Variants in PRMT7 observed in about 807,000 individuals in gnomAD.
The protein encoded by PRMT7 is protein arginine N-methyltransferase 7.
PRMT7 carries 75 observed loss-of-function variants against 85.4 expected under a neutral mutation model. The ratio of observed to expected loss-of-function variants is 0.88; its 90% CI spans 0.73 to 1.06. The LOEUF (loss-of-function observed/expected upper bound fraction) is 1.06, where lower values mean the gene tolerates loss of function less well. Among genes scored for constraint, PRMT7 ranks in the 50% least tolerant of loss-of-function variants. The pLI is 0.00. For synonymous variants in PRMT7, 397 were observed against 359.5 expected (o/e 1.10, Z -1.18); for missense variants, 868 against 915.2 (o/e 0.95, Z 0.67).
At chr16:68,360,407 G>A (rs2089186031), downstream of PRMT7, 1 of 152,180 alleles carries the variant, frequency 6.6e-6, no homozygotes, top group South Asian at 2.1e-4. Context: ...CTGCCCAGAT[G>A]GGAGGCTCCC....
At chr16:68,352,480 A>G in intron 15 of PRMT7, 71 bp downstream of exon 15, 1 of 1,488,698 alleles carries the variant, frequency 6.7e-7, no homozygotes, top group Non-Finnish European at 9.0e-7. Context: ...TCTTGCAGGA[A>G]CCTTGGGTGC....
rs554761139 is a variant in PRMT7 at position 68,321,147 on chromosome 16, T to C, written c.96-279T>C. On this transcript the variant is annotated intron_variant, in intron 3 of 18. Transcript: ENST00000441236. ...AGCCAGGCGTGGTGGTGAGCACCTG[T>C]AATCCCAGCTACCTGGGAGGCTGAG... Among the ~76,000 whole-genome samples the C allele has an allele frequency of 3.3e-5, 5 of 152,064 alleles. No individual in the cohort carries two copies. In the East Asian group the frequency reaches 5.8e-4, roughly 18 times the overall value.
intron 9 of PRMT7, among the ~76,000 whole-genome samples, chr16:68,342,243 A>C (rs1199858703): frequency 6.6e-6 from 1 of 152,192 alleles, no homozygotes; most frequent in Non-Finnish European, 1.5e-5. Flanking sequence ...ACACCACTGC[A>C]CTCAAACCTG....
chr16:68,319,533 C>T lies in PRMT7; in HGVS notation c.96-1893C>T, dbSNP rs549309192. Among the ~76,000 whole-genome samples the T allele has an allele frequency of 3.4e-5, 5 of 149,066 alleles. No homozygotes were observed. The South Asian group carries it at 1.1e-3, about 32-fold the overall frequency. ...AAATAGTGAGCAGAGGTAGAAAGGACTACATTTCAGCTAAGCATCCATAGC... is the reference window on the plus strand; with the variant it reads ...AAATAGTGAGCAGAGGTAGAAAGGATTACATTTCAGCTAAGCATCCATAGC... On this transcript the variant is annotated intron_variant, in intron 3 of 18. Coordinates refer to ENST00000441236, the MANE Select transcript of PRMT7 (RefSeq NM_019023.5).
At chr16:68,344,773 C>T (rs955401900) in intron 9 of PRMT7, among the ~76,000 whole-genome samples, 7 of 152,024 alleles carry the variant, frequency 4.6e-5, no homozygotes, top group African/African-American at 1.7e-4. Context: ...TAAGCCAAAA[C>T]CTTTTTGTAT....
intron 9 of PRMT7, among the ~76,000 whole-genome samples, chr16:68,344,168 T>C (rs781359965): frequency 2.6e-5 from 4 of 152,198 alleles, no homozygotes; most frequent in African/African-American, 4.8e-5. Context: ...GTGTCACTGG[T>C]ATGTTACCCA....
chr16:68,330,616 A>G (rs2151585605), intron 6 of PRMT7, among the ~76,000 whole-genome samples: 1 of 152,120 alleles, frequency 6.6e-6, no homozygotes, highest in South Asian at 2.1e-4. Context: ...TTTATTTGAG[A>G]CAGAGTCTCA....
At chr16:68,328,260 A>G (rs890851733) in intron 5 of PRMT7, 5 of 178,008 alleles carry the variant, frequency 2.8e-5, no homozygotes, top group African/African-American at 1.2e-4. Flanking sequence ...ATGTTATCAT[A>G]AATACATACT....
At chr16:68,320,046 G>A (rs1489659619) in intron 3 of PRMT7, among the ~76,000 whole-genome samples, 1 of 152,100 alleles carries the variant, frequency 6.6e-6, no homozygotes, top group Non-Finnish European at 1.5e-5. Context: ...ATATACAGTG[G>A]GTGTATGTGA....
intron 11 of PRMT7, 82 bp from the exon 12 acceptor site, chr16:68,347,129 G>A (rs1335112819): frequency 4.6e-6 from 6 of 1,306,244 alleles, no homozygotes; most frequent in Non-Finnish European, 6.4e-6. Context: ...AGTGAGAAGG[G>A]AAGTATTTCT....
At chr16:68,325,706 G>A (rs1456115907) in intron 5 of PRMT7, among the ~76,000 whole-genome samples, 4 of 151,472 alleles carry the variant, frequency 2.6e-5, no homozygotes, top group African/African-American at 9.7e-5. Context: ...CGAGAGAATC[G>A]CTTGAACCCA....
chr16:68,323,693 C>T (rs1043290280), intron 4 of PRMT7: 1 of 152,080 alleles, frequency 6.6e-6, no homozygotes, highest in Non-Finnish European at 1.5e-5. Flanking sequence ...GAGGATATCA[C>T]CCTTTTGATG....
intron 2 of PRMT7, 48 bp from the exon 3 acceptor site, chr16:68,315,849 T>G (rs2044672878): frequency 1.3e-6 from 1 of 752,128 alleles, no homozygotes; most frequent in Admixed American, 2.5e-5. Context: ...TAGATTTTTT[T>G]TCTGTTCGTT....
At chr16:68,360,514 TAC>T (rs1232547621), downstream of PRMT7, 1 of 152,688 alleles carries the variant, frequency 6.5e-6, no homozygotes, top group African/African-American at 2.4e-5. Context: ...ATGAGTGACT[TAC>T]AGACCCTGTG....
intron 6 of PRMT7, among the ~76,000 whole-genome samples, chr16:68,329,876 T>TACACACACAC (rs6145876): frequency 0.044 from 6,495 of 148,744 alleles, 280 homozygotes; most frequent in African/African-American, 0.11. Context: ...TATGTATATG[T>TACACACACAC]ACACACACAC....
intron 4 of PRMT7, chr16:68,321,709 G>A (rs894719931): frequency 6.7e-5 from 28 of 417,070 alleles, no homozygotes; most frequent in Non-Finnish European, 1.1e-4. Flanking sequence ...ACAATGTGAT[G>A]AATATATGTG....
At chr16:68,334,034 A>G (rs1256780690) in intron 6 of PRMT7, among the ~76,000 whole-genome samples, 2 of 152,076 alleles carry the variant, frequency 1.3e-5, no homozygotes, top group Non-Finnish European at 2.9e-5. Context: ...GCCTCCCAAA[A>G]TGCTGGGATT....
chr16:68,349,810 G>A lies in PRMT7; in HGVS notation c.1413+1379G>A, dbSNP rs533771973. Among the ~76,000 whole-genome samples, 7 of 152,270 alleles carry A rather than the reference G, an allele frequency of 4.6e-5. No homozygotes were observed. The South Asian group carries it at 1.2e-3, about 27-fold the overall frequency. Reference sequence around the variant, plus strand: ...CTGAGGTGGGTGAGGTGGGAGGATCGCCTGAGCCCAGGAGTTGGAGGCTGC... The same window carrying A: ...CTGAGGTGGGTGAGGTGGGAGGATCACCTGAGCCCAGGAGTTGGAGGCTGC... On this transcript the variant is annotated intron_variant, in intron 14 of 18. Coordinates refer to ENST00000441236, the MANE Select transcript of PRMT7 (RefSeq NM_019023.5).
chr16:68,349,974 T>C (rs2087035812), intron 14 of PRMT7, among the ~76,000 whole-genome samples: 1 of 152,214 alleles, frequency 6.6e-6, no homozygotes, highest in Admixed American at 6.5e-5. Flanking sequence ...TGCATCCCCA[T>C]GCCCCAGGCC....
Sources: gnomAD v4.1 joint callset for allele counts (sites outside exome capture counted in the v4.1 genomes callset) on GRCh38, gnomAD v4.1.1 for gene constraint, MANE v1.5 for transcripts, NCBI Gene and HGNC (gene_info 2026-07-23, HGNC 2026-07-21) for gene names.